The following NCOA1 variants were observed in gnomAD, a reference collection of about 807,000 sequenced individuals.
NCOA1 encodes nuclear receptor coactivator 1.
NCOA1 carries 35 observed loss-of-function variants against 150.9 expected under a neutral mutation model. The ratio of observed to expected loss-of-function variants is 0.23; its 90% CI spans 0.18 to 0.31. The LOEUF (loss-of-function observed/expected upper bound fraction) is 0.31. NCOA1 is among the 10% of genes least tolerant of loss of function. NCOA1 has a pLI of 1.00. For synonymous variants in NCOA1, 590 were observed against 630.0 expected, an observed-to-expected ratio of 0.94 and a Z score of 0.95; for missense variants, 1,491 against 1,749.3, an observed-to-expected ratio of 0.85 and a Z score of 2.63.
Position 24,729,628 on chromosome 2 carries a change from C to G in NCOA1, c.3014C>G (p.Pro1005Arg). ...YSSPSPTANL[P>R]SPFQGMVRQK... ...TCTCCTTCTCCTACTGCCAATCTCC[C>G]TAGCCCTTTCCAAGGCATGGTCAGG... is the stretch of plus-strand genomic sequence containing the variant. The change falls in exon 17 of 23, where the codon CCT becomes CGT. Residue 1005 changes from proline (P) to arginine (R), a missense_variant. Physicochemically the swap from Pro to Arg is moderately radical, Grantham distance 103. Transcript: ENST00000348332. 1 of 1,614,188 alleles carries G rather than the reference C, an allele frequency of 6.2e-7. No individual in the cohort carries two copies. The highest frequency in any genetic ancestry group is 8.5e-7 in the Non-Finnish European group (1 of 1,180,026).
chr2:24,703,743 G>C (rs2148587398), intron 11 of NCOA1, among the ~76,000 whole-genome samples: 1 of 152,184 alleles, frequency 6.6e-6, no homozygotes, highest in Non-Finnish European at 1.5e-5. Context: ...CAATAAAATA[G>C]AACATGTCTT....
At chr2:24,502,088 A>G (rs1005071187) in intron 1 of NCOA1, among the ~76,000 whole-genome samples, 2 of 152,048 alleles carry the variant, frequency 1.3e-5, no homozygotes, top group African/African-American at 4.8e-5. Flanking sequence ...CTGCTTTTAT[A>G]TATGTTATTT....
intron 1 of NCOA1, among the ~76,000 whole-genome samples, chr2:24,545,767 ATATT>A (rs1665581789): frequency 6.6e-6 from 1 of 152,098 alleles, no homozygotes; most frequent in Non-Finnish European, 1.5e-5. Flanking sequence ...GCCTTATAGA[ATATT>A]TATTCTGTGT....
chr2:24,515,146 T>G (rs1664111639), intron 1 of NCOA1, among the ~76,000 whole-genome samples: 1 of 152,220 alleles, frequency 6.6e-6, no homozygotes, highest in South Asian at 2.1e-4. Context: ...AAAAACATGT[T>G]TTGTATGGCG....
At chr2:24,574,081 A>C (rs900627798) in intron 2 of NCOA1, among the ~76,000 whole-genome samples, 3 of 152,082 alleles carry the variant, frequency 2.0e-5, no homozygotes, top group Admixed American at 6.5e-5. Context: ...GCTACTTCTT[A>C]GGGTTGAAAA....
At chr2:24,520,360 TA>T (rs1553422689) in intron 1 of NCOA1, among the ~76,000 whole-genome samples, 1 of 152,166 alleles carries the variant, frequency 6.6e-6, no homozygotes, top group Non-Finnish European at 1.5e-5. Flanking sequence ...CAAACGTCCT[TA>T]ATAGGTAAAT....
chr2:24,546,409 A>C (rs1367916879), intron 1 of NCOA1, among the ~76,000 whole-genome samples: 1 of 152,226 alleles, frequency 6.6e-6, no homozygotes, highest in Admixed American at 6.5e-5. Context: ...GTCTGTATAG[A>C]ATCAATCTGT....
At chr2:24,551,731 A>T (rs377006893) in intron 1 of NCOA1, among the ~76,000 whole-genome samples, 3 of 152,346 alleles carry the variant, frequency 2.0e-5, no homozygotes, top group East Asian at 1.9e-4. Flanking sequence ...CTAACCTGCA[A>T]TCCCAAAGAT....
intron 3 of NCOA1, among the ~76,000 whole-genome samples, chr2:24,642,007 CGTGTGTGTGTGTGTGTGT>C (rs58991961): frequency 6.9e-6 from 1 of 144,948 alleles, no homozygotes; most frequent in Non-Finnish European, 1.5e-5. Flanking sequence ...TTACAGAGGG[CGTGTGTGTGTGTGTGTGT>C]GTGTGTGTGT....
chr2:24,708,271 G>A (rs549933360), intron 13 of NCOA1, among the ~76,000 whole-genome samples: 2 of 152,308 alleles, frequency 1.3e-5, no homozygotes, highest in African/African-American at 4.8e-5. Flanking sequence ...AATGAAGTGG[G>A]AGAGAAATGT....
At chr2:24,607,189 GTT>G (rs397976699) in intron 3 of NCOA1, among the ~76,000 whole-genome samples, 2 of 139,448 alleles carry the variant, frequency 1.4e-5, no homozygotes. Context: ...GGGGTACTGT[GTT>G]TTTTTTTTTT....
chr2:24,746,867 A>G (rs984082521), intron 19 of NCOA1, among the ~76,000 whole-genome samples: 1 of 152,188 alleles, frequency 6.6e-6, no homozygotes, highest in African/African-American at 2.4e-5. Context: ...ACTCTGGGGT[A>G]GTTGATAATG....
At chr2:24,591,848 T>G (rs924319772) in intron 3 of NCOA1, among the ~76,000 whole-genome samples, 1 of 152,148 alleles carries the variant, frequency 6.6e-6, no homozygotes, top group Non-Finnish European at 1.5e-5. Context: ...ACCATTTCTA[T>G]GTATCCATTA....
chr2:24,696,157 C>T (rs1672891551), intron 10 of NCOA1, among the ~76,000 whole-genome samples: 1 of 152,170 alleles, frequency 6.6e-6, no homozygotes, highest in African/African-American at 2.4e-5. Context: ...CTACTATTTA[C>T]ATTTATGCCA....
At chr2:24,628,603 A>G (rs1228740265) in intron 3 of NCOA1, among the ~76,000 whole-genome samples, 1 of 152,238 alleles carries the variant, frequency 6.6e-6, no homozygotes, top group Admixed American at 6.5e-5. Flanking sequence ...TGTAAATAAA[A>G]TAGTGGAAAA....
intron 1 of NCOA1, among the ~76,000 whole-genome samples, chr2:24,534,830 C>A (rs1342379463): frequency 6.6e-6 from 1 of 152,122 alleles, no homozygotes; most frequent in Non-Finnish European, 1.5e-5. Flanking sequence ...GTTGTGATTT[C>A]TGTTCTTTTA....
intron 6 of NCOA1, among the ~76,000 whole-genome samples, chr2:24,671,701 C>T (rs1241821233): frequency 6.6e-6 from 1 of 152,084 alleles, no homozygotes; most frequent in African/African-American, 2.4e-5. Context: ...GCTGAGATTA[C>T]AGACATGTGC....
rs144072635 is a variant in NCOA1 at position 24,697,701 on chromosome 2, C to G, written c.852C>G (p.Gly284=). The part of the protein sequence containing the change: ...SIDTSSLRAA[G]RTGWEDLVRK... ...ATACTAGTTCCCTGAGAGCTGCTGG[C>G]AGAACTGGTTGGGAAGATTTAGTGA... is the stretch of plus-strand genomic sequence containing the variant. Residue 284 remains glycine (G), a synonymous_variant, in exon 11 of 23, where the codon GGC becomes GGG. Transcript: ENST00000348332. The G allele has an allele frequency of 2.5e-6, 4 of 1,612,976 alleles. No homozygotes were observed. In the African/African-American group the frequency reaches 5.3e-5, roughly 22 times the overall value.
intron 19 of NCOA1, among the ~76,000 whole-genome samples, chr2:24,747,327 C>CTTTTTTTTTTTTTTTTTTTTTT (rs148901218): frequency 7.5e-5 from 9 of 120,168 alleles, no homozygotes; most frequent in Non-Finnish European, 1.0e-4. Context: ...TTATTTTTCT[C>CTTTTTTTTTTTTTTTTTTTTTT]TTTTTTTTTT....
Sources: allele counts gnomAD v4.1 joint callset (sites outside exome capture counted in the v4.1 genomes callset), GRCh38; gene constraint gnomAD v4.1.1; transcripts MANE v1.5; gene names NCBI Gene and HGNC (gene_info 2026-07-23, HGNC 2026-07-21).